Variants in SLC2A7 observed in about 807,000 individuals in gnomAD.
The protein encoded by SLC2A7 is solute carrier family 2 member 7.
A neutral mutation model predicts 50.5 loss-of-function variants in SLC2A7; 50 were observed. The observed-to-expected ratio is 0.99, with a 90% CI of 0.79 to 1.25. SLC2A7 has a LOEUF of 1.25. Among genes scored for constraint, SLC2A7 ranks in the 50% most tolerant of loss-of-function variants. The probability of loss-of-function intolerance (pLI) is 0.00; values close to 1 mark genes in which losing one functional copy is unlikely to be tolerated. For synonymous variants in SLC2A7, 308 were observed against 300.4 expected, an observed-to-expected ratio of 1.03 and a Z score of -0.26; for missense variants, 683 against 679.1, an observed-to-expected ratio of 1.01 and a Z score of -0.06.
intron 1 of SLC2A7, 94 bp from the exon 2 acceptor site, chr1:9,025,168 A>G: frequency 7.7e-7 from 1 of 1,300,414 alleles, no homozygotes; most frequent in Non-Finnish European, 1.1e-6. Context: ...CTGGGCTGGA[A>G]GTGGGGGATG....
intron 1 of SLC2A7, 63 bp downstream of exon 1, chr1:9,026,232 C>T (rs1640998991): frequency 1.4e-5 from 21 of 1,555,456 alleles, no homozygotes; most frequent in Non-Finnish European, 1.5e-5. Flanking sequence ...CTTCACCTCC[C>T]TCCACAGGTC....
At chr1:9,025,952 C>T (rs1371064844) in intron 1 of SLC2A7, among the ~76,000 whole-genome samples, 1 of 152,198 alleles carries the variant, frequency 6.6e-6, no homozygotes, top group Non-Finnish European at 1.5e-5. Flanking sequence ...CATCCAGGAA[C>T]AACCAGACAG....
chr1:9,021,752 C>G lies in SLC2A7; in HGVS notation c.311+1166G>C, dbSNP rs1054758669. Among the ~76,000 whole-genome samples, 3 of 152,198 alleles carry G rather than the reference C, an allele frequency of 2.0e-5. No homozygotes were observed. In the East Asian group the frequency reaches 5.8e-4, roughly 29 times the overall value. ...AGCCCCGACACGTTCCCACCCTTCT[C>G]TGGACTCCCAGCCCTTCCTGATGAC... is the stretch of plus-strand genomic sequence containing the variant. On this transcript the variant is annotated intron_variant, in intron 3 of 11. Coordinates refer to ENST00000400906, the MANE Select transcript of SLC2A7 (RefSeq NM_207420.3).
At chr1:9,025,167 AAGT>A in intron 1 of SLC2A7, 93 bp from the exon 2 acceptor site, 4 of 1,331,124 alleles carry the variant, frequency 3.0e-6, no homozygotes, top group Non-Finnish European at 4.2e-6. Flanking sequence ...CCTGGGCTGG[AAGT>A]GGGGGATGGG....
chr1:9,016,296 C>A (rs745576663), intron 5 of SLC2A7, among the ~76,000 whole-genome samples: 5 of 152,204 alleles, frequency 3.3e-5, no homozygotes, highest in Admixed American at 6.5e-5. Flanking sequence ...GAATTTGGGT[C>A]ATTCAGAAAT....
At chr1:9,012,646 T>C (rs1294819847) in intron 8 of SLC2A7, among the ~76,000 whole-genome samples, 2 of 152,040 alleles carry the variant, frequency 1.3e-5, no homozygotes, top group African/African-American at 4.8e-5. Flanking sequence ...ACTCAAGAAA[T>C]AGGAATCAAA....
rs17033022 is a variant in SLC2A7 at position 9,007,615 on chromosome 1, G to A, written c.1117-230C>T. ...TCACCTGATGAGCGTCATGGAGAAC[G>A]AGGGGCATCTACCTTTGAGTTATTT... On this transcript the variant is annotated intron_variant, in intron 9 of 11. Transcript: ENST00000400906. Among the ~76,000 whole-genome samples, 1,459 of 152,346 alleles carry A rather than the reference G, an allele frequency of 9.6e-3. 22 individuals carry two copies. Among genetic ancestry groups the A allele is most frequent in the African/African-American group, 0.033 (1,383 of 41,570 alleles).
Position 9,003,194 on chromosome 1 carries a change from C to T in SLC2A7, c.*106G>A, listed in dbSNP as rs763158393. ...CCATAATTAAGTTAAATGGGGGCAA[C>T]GACAAAAGCCTCCGTGCTATTATCC... is the stretch of plus-strand genomic sequence containing the variant. On this transcript the variant is annotated 3_prime_UTR_variant, in exon 12 of 12. Coordinates refer to ENST00000400906, the MANE Select transcript of SLC2A7 (RefSeq NM_207420.3). 48 of 968,170 alleles carry T rather than the reference C, an allele frequency of 5.0e-5. No individual in the cohort carries two copies. The highest frequency in any genetic ancestry group is 8.7e-5 in the African/African-American group (5 of 57,672). 60.0% of individuals were successfully genotyped at this position (968,170 alleles called of 1,614,324 possible). A position where few individuals can be genotyped will look rare whatever the true frequency, so the allele number is the denominator to read the frequency against.
downstream of SLC2A7, among the ~76,000 whole-genome samples, chr1:9,001,445 AG>A (rs1361874160): frequency 1.4e-5 from 2 of 139,876 alleles, no homozygotes; most frequent in Non-Finnish European, 3.1e-5. Context: ...TTTTTTAGAC[AG>A]GGTCTCACTC....
Position 9,010,249 on chromosome 1 carries a change from AG to A in SLC2A7, c.1015-6del. The A allele has an allele frequency of 6.5e-7, 1 of 1,550,376 alleles. No individual in the cohort carries two copies. Among genetic ancestry groups the A allele is most frequent in the Non-Finnish European group, 8.7e-7 (1 of 1,146,648 alleles). ...CAGCCGCTCCACAAGGACAGCCTGG[AG>A]GGGAAGGGGGACAGTGAGAAGCCGC... On this transcript the variant is annotated splice_region_variant and splice_polypyrimidine_tract_variant and intron_variant, in intron 8 of 11. Coordinates refer to ENST00000400906, the MANE Select transcript of SLC2A7 (RefSeq NM_207420.3).
intron 8 of SLC2A7, among the ~76,000 whole-genome samples, chr1:9,012,282 G>A (rs1212706371): frequency 6.6e-6 from 1 of 152,294 alleles, no homozygotes; most frequent in East Asian, 1.9e-4. Context: ...CCAGGGAGAG[G>A]GAAAGGGTAT....
At chr1:8,995,986 T>C in the SLC2A7 span, among the ~76,000 whole-genome samples, 1 of 152,178 alleles carries the variant, frequency 6.6e-6, no homozygotes, top group Non-Finnish European at 1.5e-5. Flanking sequence ...CAGGCAGGTT[T>C]TGAAGTCCCA....
At chr1:9,004,946 C>T (rs955291686) in intron 10 of SLC2A7, 67 bp from the exon 11 acceptor site, 22 of 1,541,456 alleles carry the variant, frequency 1.4e-5, no homozygotes, top group South Asian at 1.1e-4. Flanking sequence ...TGGCGGGACG[C>T]GGCCCACTCT....
chr1:9,019,691 A>G (rs1039323820), intron 3 of SLC2A7, among the ~76,000 whole-genome samples: 9 of 152,192 alleles, frequency 5.9e-5, no homozygotes, highest in African/African-American at 1.2e-4. Flanking sequence ...TGGGAGGCTG[A>G]GGTGGGCGGA....
chr1:9,009,281 C>A (rs950104909), intron 9 of SLC2A7, among the ~76,000 whole-genome samples: 1 of 152,220 alleles, frequency 6.6e-6, no homozygotes, highest in African/African-American at 2.4e-5. Flanking sequence ...GCCTCGGAGA[C>A]ACAGAATGCT....
At chr1:9,025,948 G>C (rs146207946) in intron 1 of SLC2A7, among the ~76,000 whole-genome samples, 1 of 152,160 alleles carries the variant, frequency 6.6e-6, no homozygotes, top group African/African-American at 2.4e-5. Context: ...TGCACATCCA[G>C]GAACAACCAG....
At chr1:9,020,552 C>T (rs981810806) in intron 3 of SLC2A7, among the ~76,000 whole-genome samples, 4 of 140,042 alleles carry the variant, frequency 2.9e-5, no homozygotes, top group Non-Finnish European at 6.2e-5. Flanking sequence ...GCTCCTGTGC[C>T]CCCCCCCACC....
At chr1:8,999,978 G>A (rs142395998), downstream of SLC2A7, among the ~76,000 whole-genome samples, 8 of 152,192 alleles carry the variant, frequency 5.3e-5, no homozygotes, top group East Asian at 1.9e-4. Flanking sequence ...GAAATGCTTC[G>A]TACTTACCAA....
At chr1:9,015,939 C>T (rs1475414194) in intron 5 of SLC2A7, among the ~76,000 whole-genome samples, 1 of 151,608 alleles carries the variant, frequency 6.6e-6, no homozygotes, top group African/African-American at 2.4e-5. Flanking sequence ...CTATGTTGCC[C>T]AGGCTGGTCG....
Sources: gnomAD v4.1 joint callset for allele counts (sites outside exome capture counted in the v4.1 genomes callset) on GRCh38, gnomAD v4.1.1 for gene constraint, MANE v1.5 for transcripts, NCBI Gene and HGNC (gene_info 2026-07-23, HGNC 2026-07-21) for gene names.